The following CAMTA1 variants were observed in gnomAD, a reference collection of about 807,000 sequenced individuals.
CAMTA1 encodes calmodulin binding transcription activator 1, also known as calmodulin-binding transcription activator 1.
A neutral mutation model predicts 170.9 loss-of-function variants in CAMTA1; 27 were observed. That is an observed-to-expected ratio of 0.16 (90% CI 0.12 to 0.22). The LOEUF (loss-of-function observed/expected upper bound fraction) is 0.22. Ranked by LOEUF, CAMTA1 falls within the 10% of genes least tolerant of loss-of-function variation. The probability of loss-of-function intolerance (pLI) is 1.00; values close to 1 mark genes in which losing one functional copy is unlikely to be tolerated. For synonymous variants in CAMTA1, 833 were observed against 891.5 expected, an observed-to-expected ratio of 0.93 and a Z score of 1.17; for missense variants, 1,619 against 2,217.2, an observed-to-expected ratio of 0.73 and a Z score of 5.42.
At chr1:7,324,453 G>A (rs985478520) in intron 5 of CAMTA1, among the ~76,000 whole-genome samples, 1 of 152,068 alleles carries the variant, frequency 6.6e-6, no homozygotes, top group Non-Finnish European at 1.5e-5. Flanking sequence ...TACTTTGGCT[G>A]TAATTATTGA....
At chr1:7,138,349 C>A (rs1425469097) in intron 4 of CAMTA1, among the ~76,000 whole-genome samples, 2 of 152,178 alleles carry the variant, frequency 1.3e-5, no homozygotes, top group Non-Finnish European at 2.9e-5. Flanking sequence ...CATAGAAATA[C>A]CCTGCCACAG....
chr1:7,433,405 C>T (rs1428284078), intron 5 of CAMTA1, among the ~76,000 whole-genome samples: 4 of 152,186 alleles, frequency 2.6e-5, no homozygotes, highest in Admixed American at 6.5e-5. Context: ...AAAGCCACGG[C>T]CTGTGTGATT....
chr1:7,439,162 G>A (rs555928810), intron 5 of CAMTA1, among the ~76,000 whole-genome samples: 7 of 152,262 alleles, frequency 4.6e-5, no homozygotes, highest in Admixed American at 2.6e-4. Context: ...TGGGGTCTGC[G>A]GTCCTGGGTC....
chr1:6,974,816 C>T (rs1018581540), intron 3 of CAMTA1, among the ~76,000 whole-genome samples: 1 of 152,238 alleles, frequency 6.6e-6, no homozygotes, highest in African/African-American at 2.4e-5. Flanking sequence ...CCTTAGAATA[C>T]TTTTCTCTGT....
Position 7,641,153 on chromosome 1 carries a change from T to C in CAMTA1, c.664+600T>C, listed in dbSNP as rs1413032505. ...GAAGCTGGGGCTGCTCCGTACTTTG[T>C]TGCCGTGGCCACAGCTCCCGGCAGC... On this transcript the variant is annotated intron_variant, in intron 7 of 22. Transcript: ENST00000303635. The surrounding 1 kb of genome is among the most constrained non-coding windows in gnomAD (Gnocchi z 4.5). 6.6e-6 allele frequency among the ~76,000 whole-genome samples: 1 copy of C among 152,254 alleles called. No individual in the cohort carries two copies. The highest frequency in any genetic ancestry group is 6.5e-5 in the Admixed American group (1 of 15,288).
intron 3 of CAMTA1, among the ~76,000 whole-genome samples, chr1:7,043,900 A>T (rs1572649141): frequency 6.6e-6 from 1 of 152,290 alleles, no homozygotes; most frequent in Non-Finnish European, 1.5e-5. Flanking sequence ...GAAATTAGAG[A>T]TGCATGTGAT....
chr1:6,911,409 A>G (rs1679652000), intron 3 of CAMTA1, among the ~76,000 whole-genome samples: 1 of 152,246 alleles, frequency 6.6e-6, no homozygotes, highest in Admixed American at 6.5e-5. Flanking sequence ...GTGAGTAATT[A>G]TCGTCAACAC....
Position 7,663,952 on chromosome 1 carries a change from A to G in CAMTA1, c.1405A>G (p.Thr469Ala). The G allele has an allele frequency of 6.2e-7, 1 of 1,613,602 alleles. No homozygotes were observed. Among genetic ancestry groups the G allele is most frequent in the South Asian group, 1.1e-5 (1 of 91,070 alleles). ...NVSEELVLST[T>A]LDGGRKIPET... ...GTCCGAAGAGCTGGTCCTCTCCACC[A>G]CCCTCGACGGTGGCCGGAAGATTCC... The change falls in exon 9 of 23, where the codon ACC becomes GCC. Residue 469 changes from threonine (T) to alanine (A), a missense_variant. Coordinates refer to ENST00000303635, the MANE Select transcript of CAMTA1 (RefSeq NM_015215.4).
At chr1:6,927,205 A>G (rs754933868) in intron 3 of CAMTA1, among the ~76,000 whole-genome samples, 9 of 151,790 alleles carry the variant, frequency 5.9e-5, no homozygotes, top group Non-Finnish European at 1.3e-4. Context: ...TCATTCATTC[A>G]TTCATTTATT....
chr1:7,626,797 C>T (rs995537764), intron 6 of CAMTA1, among the ~76,000 whole-genome samples: 1 of 152,166 alleles, frequency 6.6e-6, no homozygotes, highest in Non-Finnish European at 1.5e-5. Flanking sequence ...TTGGCCTGGA[C>T]AATCCCTAAG....
intron 3 of CAMTA1, among the ~76,000 whole-genome samples, chr1:7,004,214 A>T (rs1401356371): frequency 6.6e-6 from 1 of 152,236 alleles, no homozygotes; most frequent in Non-Finnish European, 1.5e-5. Context: ...ATTGCCAAGG[A>T]GCAGGGAGGC....
At chr1:7,302,811 A>G (rs1674976528) in intron 5 of CAMTA1, among the ~76,000 whole-genome samples, 1 of 152,160 alleles carries the variant, frequency 6.6e-6, no homozygotes, top group Admixed American at 6.5e-5. Context: ...GGATTCAATA[A>G]ACGTGGTTCA....
intron 5 of CAMTA1, among the ~76,000 whole-genome samples, chr1:7,380,977 C>G (rs1365903038): frequency 6.6e-6 from 1 of 151,976 alleles, no homozygotes; most frequent in African/African-American, 2.4e-5. Context: ...ATCATAATGC[C>G]CTAAGGTCAT....
intron 5 of CAMTA1, among the ~76,000 whole-genome samples, chr1:7,310,720 T>TCTCTCTCTCTCTCTCTCTCTC (rs1676563493): frequency 1.3e-5 from 1 of 79,652 alleles, no homozygotes; most frequent in African/African-American, 7.1e-5. Context: ...CTTTCTTTCT[T>TCTCTCTCTCTCTCTCTCTCTC]TCTTTCTTTC....
At chr1:6,948,968 A>G (rs942988907) in intron 3 of CAMTA1, among the ~76,000 whole-genome samples, 2 of 152,086 alleles carry the variant, frequency 1.3e-5, no homozygotes, top group African/African-American at 2.4e-5. Context: ...GTTATCCCCC[A>G]CTTTAGGGTT....
chr1:7,478,664 G>T (rs1376523871), intron 6 of CAMTA1, among the ~76,000 whole-genome samples: 3 of 152,056 alleles, frequency 2.0e-5, no homozygotes, highest in South Asian at 4.2e-4. Flanking sequence ...CTAAACAATC[G>T]CTTTTCATAT....
At chr1:7,522,306 A>G (rs2094376498) in intron 6 of CAMTA1, among the ~76,000 whole-genome samples, 1 of 152,172 alleles carries the variant, frequency 6.6e-6, no homozygotes, top group Admixed American at 6.5e-5. Context: ...TTGCCGAGAT[A>G]TCTCTATGTG....
chr1:7,253,570 C>G (rs1169785309), intron 5 of CAMTA1, among the ~76,000 whole-genome samples: 1 of 152,210 alleles, frequency 6.6e-6, no homozygotes, highest in Admixed American at 6.5e-5. Context: ...TACACATTTC[C>G]TATATACCAG....
chr1:7,022,281 G>A (rs1701464049), intron 3 of CAMTA1, among the ~76,000 whole-genome samples: 1 of 152,100 alleles, frequency 6.6e-6, no homozygotes, highest in South Asian at 2.1e-4. Flanking sequence ...TTTGATGCTG[G>A]GGGAAGGACT....
Sources: gnomAD v4.1 joint callset for allele counts (sites outside exome capture counted in the v4.1 genomes callset) on GRCh38, gnomAD v4.1.1 for gene constraint, Gnocchi (gnomAD v3.1) non-coding constraint, MANE v1.5 for transcripts, NCBI Gene and HGNC (gene_info 2026-07-23, HGNC 2026-07-21) for gene names.